AGFG1: variants seen among roughly 807,000 people sequenced by gnomAD.
AGFG1 encodes the protein ArfGAP with FG repeats 1, also known as arf-GAP domain and FG repeat-containing protein 1.
A neutral mutation model predicts 60.6 loss-of-function variants in AGFG1; 10 were observed. The observed-to-expected ratio is 0.16, with a 90% CI of 0.10 to 0.28. The LOEUF (loss-of-function observed/expected upper bound fraction) is 0.28, where lower values mean the gene tolerates loss of function less well. AGFG1 is among the 10% of genes least tolerant of loss of function. The pLI is 1.00. For missense variants in AGFG1, 537 were observed against 676.5 expected (o/e 0.79, Z 2.29); for synonymous variants, 247 against 242.9 (o/e 1.02, Z -0.16).
At chr2:227,528,968 G>A (rs1212708700) in intron 5 of AGFG1, among the ~76,000 whole-genome samples, 1 of 152,198 alleles carries the variant, frequency 6.6e-6, no homozygotes, top group Admixed American at 6.5e-5. Flanking sequence ...ATAGCTACAT[G>A]TAGGCTGTGA....
chr2:227,516,961 C>A (rs1475612688), intron 2 of AGFG1, among the ~76,000 whole-genome samples: 1 of 152,064 alleles, frequency 6.6e-6, no homozygotes, highest in South Asian at 2.1e-4. Flanking sequence ...ACTGATAAAT[C>A]TTTAAAAATC....
intron 2 of AGFG1, among the ~76,000 whole-genome samples, chr2:227,501,420 A>G (rs1691151431): frequency 6.6e-6 from 1 of 152,160 alleles, no homozygotes; most frequent in Admixed American, 6.5e-5. Context: ...TATTCGTTCA[A>G]TTTTTTGAGG....
intron 2 of AGFG1, among the ~76,000 whole-genome samples, chr2:227,504,604 A>C (rs1691258060): frequency 6.6e-6 from 1 of 152,236 alleles, no homozygotes. Flanking sequence ...TCTAAGCTCT[A>C]CTTAACTGTG....
chr2:227,518,875 G>T (rs114569242), intron 2 of AGFG1, among the ~76,000 whole-genome samples: 1 of 152,114 alleles, frequency 6.6e-6, no homozygotes, highest in Non-Finnish European at 1.5e-5. Flanking sequence ...TTTTGCCCCC[G>T]CTTTAAACAA....
chr2:227,533,485 C>A, intron 6 of AGFG1, 64 bp from the exon 7 acceptor site: 2 of 1,333,198 alleles, frequency 1.5e-6, no homozygotes, highest in Non-Finnish European at 2.1e-6. Flanking sequence ...AATGATCATA[C>A]AGTCTATGAG....
chr2:227,526,768 T>C (rs932312539), intron 5 of AGFG1, among the ~76,000 whole-genome samples: 8 of 152,042 alleles, frequency 5.3e-5, no homozygotes, highest in Admixed American at 3.3e-4. Context: ...GGTCTCGAAC[T>C]CCTGACCTCA....
rs1357226754 is a variant in AGFG1, at chr2:227,558,908, T to TTCC, written c.*4413_*4414insTCC. On this transcript the variant is annotated 3_prime_UTR_variant, in exon 13 of 13. Coordinates refer to ENST00000310078, the MANE Select transcript of AGFG1 (RefSeq NM_004504.5). ...ACCAGCTTCAGCACAGCAAAGGACATACAATTCCACAACTCATTAATTAAA... is the reference window on the plus strand; with the variant it reads ...ACCAGCTTCAGCACAGCAAAGGACATTCCACAATTCCACAACTCATTAATTAAA... 6.6e-6 allele frequency: 1 copy of TTCC among 152,226 alleles called. No homozygotes were observed. Among genetic ancestry groups the TTCC allele is most frequent in the Admixed American group, 6.5e-5 (1 of 15,278 alleles). The allele number at this position is 152,226 out of a possible 1,614,324, so 9.4% of individuals were successfully genotyped here.
chr2:227,556,984 T>C lies in AGFG1; in HGVS notation c.*2489T>C, dbSNP rs901475431. On this transcript the variant is annotated 3_prime_UTR_variant, in exon 13 of 13. Coordinates refer to ENST00000310078, the MANE Select transcript of AGFG1 (RefSeq NM_004504.5). ...AGCTTTAAAGTGGTTTTTCTCATGATATTCACTGTTTATTATTAAAGAAAA... is the reference window on the plus strand; with the variant it reads ...AGCTTTAAAGTGGTTTTTCTCATGACATTCACTGTTTATTATTAAAGAAAA... 6.6e-6 allele frequency: 1 copy of C among 152,320 alleles called. No homozygotes were observed. The highest frequency in any genetic ancestry group is 3.4e-3 in the Middle Eastern group (1 of 294). 9.4% of individuals were successfully genotyped at this position (152,320 alleles called of 1,614,324 possible).
intron 4 of AGFG1, among the ~76,000 whole-genome samples, chr2:227,524,262 C>T (rs974093468): frequency 6.6e-6 from 1 of 151,930 alleles, no homozygotes; most frequent in Non-Finnish European, 1.5e-5. Flanking sequence ...TGGTGACCAT[C>T]AGAGTTAGAA....
intron 1 of AGFG1, among the ~76,000 whole-genome samples, chr2:227,486,789 G>A (rs1210257477): frequency 6.6e-6 from 1 of 152,132 alleles, no homozygotes; most frequent in Non-Finnish European, 1.5e-5. Context: ...TATATTTAGA[G>A]CAGTGGTTCT....
chr2:227,556,722 G>A lies in AGFG1; in HGVS notation c.*2227G>A, dbSNP rs770726034. The A allele has an allele frequency of 1.3e-5, 2 of 152,244 alleles. No individual in the cohort carries two copies. The highest frequency in any genetic ancestry group is 1.3e-4 in the Admixed American group (2 of 15,216). The allele number at this position is 152,244 out of a possible 1,614,324, so 9.4% of individuals were successfully genotyped here. A position where few individuals can be genotyped will look rare whatever the true frequency, so the allele number is the denominator to read the frequency against. ...ACTATTGAAGTTTGTAATTAAATGG[G>A]GGCTCTTACTGACTTTAAATTAGCG... On this transcript the variant is annotated 3_prime_UTR_variant, in exon 13 of 13. Transcript: ENST00000310078.
intron 5 of AGFG1, among the ~76,000 whole-genome samples, chr2:227,526,929 C>T (rs570775361): frequency 9.2e-5 from 14 of 152,292 alleles, no homozygotes; most frequent in African/African-American, 3.4e-4. Flanking sequence ...ATATTTGTTA[C>T]AAACATGTTT....
intron 2 of AGFG1, among the ~76,000 whole-genome samples, chr2:227,496,455 A>AT (rs1690978807): frequency 6.9e-6 from 1 of 145,344 alleles, no homozygotes; most frequent in Non-Finnish European, 1.6e-5. Context: ...AAAAAAAAAT[A>AT]AATAAAATAG....
intron 7 of AGFG1, among the ~76,000 whole-genome samples, chr2:227,534,152 T>TA (rs774930826): frequency 3.1e-4 from 47 of 149,458 alleles, no homozygotes; most frequent in South Asian, 1.7e-3. Flanking sequence ...TTTTTATATT[T>TA]AAAAAAAAAA....
chr2:227,527,898 A>G (rs1355679577), intron 5 of AGFG1, among the ~76,000 whole-genome samples: 1 of 152,224 alleles, frequency 6.6e-6, no homozygotes, highest in Admixed American at 6.5e-5. Flanking sequence ...TTTTATGAGC[A>G]TAACAGAATC....
In AGFG1 at chr2:227,479,523, A is replaced by G. The variant is rs559976752; in HGVS notation, c.167+6935A>G. 4.0e-5 allele frequency among the ~76,000 whole-genome samples: 6 copies of G among 150,658 alleles called. No individual in the cohort carries two copies. The South Asian group carries it at 8.3e-4, about 21-fold the overall frequency. ...TTTAGAAACCTCTGTATCTGTTCCA[A>G]TAGCATTCTTTGGAAAACAGGCAAA... On this transcript the variant is annotated intron_variant, in intron 1 of 12. Transcript: ENST00000310078.
intron 1 of AGFG1, among the ~76,000 whole-genome samples, chr2:227,486,704 T>C (rs180964883): frequency 9.2e-5 from 14 of 152,338 alleles, no homozygotes; most frequent in Non-Finnish European, 2.1e-4. Context: ...GATTGAACCT[T>C]GGTAGAGTTT....
chr2:227,497,924 C>T (rs1405500342), intron 2 of AGFG1, among the ~76,000 whole-genome samples: 1 of 150,992 alleles, frequency 6.6e-6, no homozygotes. Context: ...TGCTAGGACT[C>T]AAAAAAATCC....
rs748286113 is a variant in AGFG1 at position 227,524,775 on chromosome 2, G to C, written c.554G>C (p.Gly185Ala). The change falls in exon 5 of 13, where the codon GGT becomes GCT. Residue 185 changes from glycine (G) to alanine (A), a missense_variant. By Grantham distance (60) the Gly-to-Ala change is moderately conservative. This residue lies in a region of AGFG1 where 102 missense variants were observed against 82.9 expected (regional missense o/e 1.23). Coordinates refer to ENST00000310078, the MANE Select transcript of AGFG1 (RefSeq NM_004504.5). ...KGTPSQSPVV[G>A]RSQGQQQEKK... ...TGTGGTTTGTAGTCCCCAGTTGTAGGTCGTTCTCAAGGGCAGCAGCAGGAG... is the reference window on the plus strand; with the variant it reads ...TGTGGTTTGTAGTCCCCAGTTGTAGCTCGTTCTCAAGGGCAGCAGCAGGAG... The C allele has an allele frequency of 1.9e-6, 3 of 1,613,954 alleles. No individual in the cohort carries two copies. Among genetic ancestry groups the C allele is most frequent in the Non-Finnish European group, 2.5e-6 (3 of 1,179,968 alleles).
Sources: gnomAD v4.1 joint callset for allele counts (sites outside exome capture counted in the v4.1 genomes callset) on GRCh38, gnomAD v4.1.1 for gene constraint, gnomAD v4.1.1 regional missense constraint, MANE v1.5 for transcripts, NCBI Gene and HGNC (gene_info 2026-07-23, HGNC 2026-07-21) for gene names.